Variants in PTPRN2 observed in about 807,000 individuals in gnomAD.
PTPRN2 encodes the protein protein tyrosine phosphatase receptor type N2, also known as receptor-type tyrosine-protein phosphatase N2.
PTPRN2 carries 74 observed loss-of-function variants against 118.8 expected under a neutral mutation model. That is an observed-to-expected ratio of 0.62 (90% CI 0.52 to 0.76). The LOEUF is 0.76. Ranked by LOEUF, PTPRN2 falls within the 30% of genes least tolerant of loss-of-function variation. The probability of loss-of-function intolerance (pLI) is 0.00; values close to 1 mark genes in which losing one functional copy is unlikely to be tolerated. For synonymous variants in PTPRN2, 641 were observed against 608.0 expected (o/e 1.05, Z -0.80); for missense variants, 1,481 against 1,394.4 (o/e 1.06, Z -0.99).
rs1456205499 is a variant in PTPRN2 at position 157,674,593 on chromosome 7, CTAATGCATTTCACCACAGA to C, written c.2001+8113_2001+8131del. On this transcript the variant is annotated intron_variant, in intron 13 of 22. Transcript: ENST00000389418. This position sits in a 1 kb window ranked among gnomAD's most constrained non-coding sequence, Gnocchi z 4.5. Reference sequence around the variant, plus strand: ...GCTGGGCTTTGCCATTTTTGACAGGCTAATGCATTTCACCACAGATAATGCCATTCACCACAGAGGCGCA... The same window carrying C: ...GCTGGGCTTTGCCATTTTTGACAGGCTAATGCCATTCACCACAGAGGCGCA... 6.6e-6 allele frequency among the ~76,000 whole-genome samples: 1 copy of C among 152,218 alleles called. No homozygotes were observed. The highest frequency in any genetic ancestry group is 1.5e-5 in the Non-Finnish European group (1 of 68,026).
At chr7:158,236,696 C>T (rs1165488114) in intron 3 of PTPRN2, among the ~76,000 whole-genome samples, 1 of 152,212 alleles carries the variant, frequency 6.6e-6, no homozygotes, top group Non-Finnish European at 1.5e-5. Context: ...CCGGTGCAAC[C>T]TGTCCCCGCC....
intron 15 of PTPRN2, among the ~76,000 whole-genome samples, chr7:157,613,671 G>A (rs1292546706): frequency 6.6e-6 from 1 of 152,200 alleles, no homozygotes; most frequent in Non-Finnish European, 1.5e-5. Flanking sequence ...CCCACACGCA[G>A]GGACCCTCTC....
At chr7:157,928,670 C>T (rs940520008) in intron 11 of PTPRN2, among the ~76,000 whole-genome samples, 9 of 127,068 alleles carry the variant, frequency 7.1e-5, no homozygotes, top group African/African-American at 2.5e-4. Flanking sequence ...GTGCAAGTTC[C>T]GACTATGAAG....
chr7:158,357,992 T>G (rs1378453226), intron 2 of PTPRN2, among the ~76,000 whole-genome samples: 3 of 152,250 alleles, frequency 2.0e-5, no homozygotes, highest in African/African-American at 7.2e-5. Flanking sequence ...TGTTTCTCTC[T>G]TTCTGTCTCT....
At chr7:158,109,648 T>A (rs964547043) in intron 10 of PTPRN2, among the ~76,000 whole-genome samples, 1 of 147,708 alleles carries the variant, frequency 6.8e-6, no homozygotes, top group African/African-American at 2.5e-5. Context: ...GTCTGAATGA[T>A]GTCACCCCTG....
intron 11 of PTPRN2, among the ~76,000 whole-genome samples, chr7:158,025,741 C>T (rs577232261): frequency 1.4e-4 from 22 of 152,274 alleles, no homozygotes; most frequent in Admixed American, 7.2e-4. Context: ...AAAAAGGATT[C>T]GCTGTGTGGT....
chr7:157,727,240 C>T (rs577470951), intron 12 of PTPRN2, among the ~76,000 whole-genome samples: 25 of 152,274 alleles, frequency 1.6e-4, no homozygotes, highest in African/African-American at 4.3e-4. Context: ...CATCTGTGGA[C>T]GGATGGACAG....
intron 11 of PTPRN2, among the ~76,000 whole-genome samples, chr7:157,982,713 TC>T (rs1317460601): frequency 1.1e-5 from 1 of 92,110 alleles, no homozygotes. Flanking sequence ...AGTACCGGGT[TC>T]CCCCCTAAAC....
At chr7:158,257,727 T>C (rs1377525679) in intron 3 of PTPRN2, among the ~76,000 whole-genome samples, 1 of 152,214 alleles carries the variant, frequency 6.6e-6, no homozygotes, top group African/African-American at 2.4e-5. Context: ...CCTGCGGCGG[T>C]GACTGCCCCC....
chr7:158,488,265 G>T (rs1821174626), intron 2 of PTPRN2, among the ~76,000 whole-genome samples: 1 of 152,184 alleles, frequency 6.6e-6, no homozygotes, highest in Non-Finnish European at 1.5e-5. Flanking sequence ...ATGCCAGGGA[G>T]CCCCAGGGGG....
chr7:158,428,266 G>A (rs184368630), intron 2 of PTPRN2, among the ~76,000 whole-genome samples: 5 of 152,260 alleles, frequency 3.3e-5, no homozygotes, highest in Admixed American at 2.6e-4. Flanking sequence ...ATGAGGTGGT[G>A]AAGGCACAGC....
rs561025657 is a variant in PTPRN2, at chr7:158,439,034, T to C, written c.163+50701A>G. ...AGATTCACTGAGCCAGGCTCAATTG[T>C]GTATTCACTGGAAGGCTGGTCAAGG... On this transcript the variant is annotated intron_variant, in intron 2 of 22. Transcript: ENST00000389418. Among the ~76,000 whole-genome samples the C allele has an allele frequency of 4.2e-4, 64 of 152,316 alleles. 2 individuals carry two copies. Among genetic ancestry groups the C allele is most frequent in the Middle Eastern group, 6.8e-3 (2 of 294 alleles).
chr7:158,196,920 A>C (rs1470422556), intron 4 of PTPRN2, among the ~76,000 whole-genome samples: 2 of 152,230 alleles, frequency 1.3e-5, no homozygotes, highest in Admixed American at 6.5e-5. Flanking sequence ...CATCATCCCC[A>C]GCAGAGCTCC....
At chr7:157,655,371 T>C (rs959441926) in intron 14 of PTPRN2, among the ~76,000 whole-genome samples, 1 of 152,248 alleles carries the variant, frequency 6.6e-6, no homozygotes, top group South Asian at 2.1e-4. Context: ...CCTCCAGCCT[T>C]GATCTCCAAG....
In PTPRN2 at chr7:157,682,916, G is replaced by T. The variant is rs1796982560; in HGVS notation, c.1810C>A (p.Pro604Thr). Residue 604 changes from proline to threonine, a missense_variant, in exon 13 of 23, where the codon CCT (proline) becomes ACT (threonine). Pro to Thr is a conservative substitution (Grantham distance 38). Coordinates refer to ENST00000389418, the MANE Select transcript of PTPRN2 (RefSeq NM_002847.5). ...VGSKSKLKFLPPQAEQEDSTK... is the reference protein window; with the variant it reads ...VGSKSKLKFLTPQAEQEDSTK... ...GAGTCTTCTTGCTCCGCCTGAGGAG[G>T]CAGGAACTTGAGTTTGCTTTTCTGC... 6.2e-7 allele frequency: 1 copy of T among 1,613,454 alleles called. No individual in the cohort carries two copies. The highest frequency in any genetic ancestry group is 1.7e-5 in the Admixed American group (1 of 59,996).
At chr7:158,537,640 C>T (rs1362314025) in intron 1 of PTPRN2, 1 of 152,486 alleles carries the variant, frequency 6.6e-6, no homozygotes, top group Non-Finnish European at 1.5e-5. Context: ...GGTCAAAGGA[C>T]CCACAGACCT....
intron 12 of PTPRN2, among the ~76,000 whole-genome samples, chr7:157,847,557 C>T (rs1300697088): frequency 1.6e-4 from 21 of 132,326 alleles, no homozygotes; most frequent in South Asian, 2.7e-4. Context: ...CATGCGTGCC[C>T]GATGTCTACA....
intron 4 of PTPRN2, among the ~76,000 whole-genome samples, chr7:158,197,421 C>T (rs1826291158): frequency 6.6e-6 from 1 of 152,124 alleles, no homozygotes; most frequent in South Asian, 2.1e-4. Flanking sequence ...GGTACTGTTT[C>T]CATGTAGGAT....
chr7:158,134,814 ACTC>A (rs1818670789), intron 8 of PTPRN2, among the ~76,000 whole-genome samples: 1 of 151,602 alleles, frequency 6.6e-6, no homozygotes, highest in Non-Finnish European at 1.5e-5. Context: ...TGTAATTACT[ACTC>A]CAACCCCATA....
Sources: allele counts gnomAD v4.1 joint callset (sites outside exome capture counted in the v4.1 genomes callset), GRCh38; gene constraint gnomAD v4.1.1; non-coding constraint Gnocchi (gnomAD v3.1); transcripts MANE v1.5; gene names NCBI Gene and HGNC (gene_info 2026-07-23, HGNC 2026-07-21).